Variants in PKNOX2 observed in about 807,000 individuals in gnomAD.
PKNOX2 encodes PBX/knotted 1 homeobox 2.
PKNOX2 carries 14 observed loss-of-function variants against 53.1 expected under a neutral mutation model. The ratio of observed to expected loss-of-function variants is 0.26; its 90% CI spans 0.17 to 0.41. The LOEUF (loss-of-function observed/expected upper bound fraction) is 0.41, where lower values mean the gene tolerates loss of function less well. PKNOX2 is among the 10% of genes least tolerant of loss of function. The pLI is 1.00. For missense variants in PKNOX2, 496 were observed against 602.8 expected (o/e 0.82, Z 1.85); for synonymous variants, 257 against 242.8 (o/e 1.06, Z -0.54).
intron 3 of PKNOX2, among the ~76,000 whole-genome samples, chr11:125,351,034 G>T (rs1005926699): frequency 6.6e-6 from 1 of 152,076 alleles, no homozygotes; most frequent in Non-Finnish European, 1.5e-5. Flanking sequence ...TGAACAAAGC[G>T]CCGCTGCAGG....
rs531274397 is a variant in PKNOX2 at position 125,357,638 on chromosome 11, C to T, written c.87+6246C>T. Among the ~76,000 whole-genome samples, 4 of 152,112 alleles carry T rather than the reference C, an allele frequency of 2.6e-5. No homozygotes were observed. The South Asian group carries it at 6.2e-4, about 24-fold the overall frequency. The stretch of plus-strand genomic sequence containing the variant: ...CATGCTCTGCCTGCCTTTCGCACGC[C>T]GTTGGTCTTAGTTGGTCTTCAGAAA... On this transcript the variant is annotated intron_variant, in intron 4 of 12. Coordinates refer to ENST00000298282, the MANE Select transcript of PKNOX2 (RefSeq NM_001382323.2).
intron 7 of PKNOX2, among the ~76,000 whole-genome samples, chr11:125,407,718 A>G (rs985683834): frequency 6.6e-6 from 1 of 151,870 alleles, no homozygotes; most frequent in Non-Finnish European, 1.5e-5. Flanking sequence ...TGGGCAACAG[A>G]GCAAGACTCT....
intron 6 of PKNOX2, among the ~76,000 whole-genome samples, chr11:125,395,165 T>A (rs1954304979): frequency 6.6e-6 from 1 of 152,248 alleles, no homozygotes; most frequent in Non-Finnish European, 1.5e-5. Flanking sequence ...AATGGCATCA[T>A]ATAGTATATA....
chr11:125,254,043 T>C (rs1944211701), intron 2 of PKNOX2, among the ~76,000 whole-genome samples: 1 of 152,080 alleles, frequency 6.6e-6, no homozygotes, highest in Non-Finnish European at 1.5e-5. Flanking sequence ...CCAGGCTTCC[T>C]CCAGCTCCTA....
At chr11:125,404,646 A>C (rs200782213) in intron 7 of PKNOX2, among the ~76,000 whole-genome samples, 6,878 of 151,778 alleles carry the variant, frequency 0.045, 298 homozygotes, top group African/African-American at 0.11. Flanking sequence ...ACACACACAC[A>C]CCACCACACA....
At chr11:125,377,060 T>C (rs1952885427) in intron 5 of PKNOX2, among the ~76,000 whole-genome samples, 2 of 152,198 alleles carry the variant, frequency 1.3e-5, no homozygotes, top group African/African-American at 4.8e-5. Flanking sequence ...TTGGAGTAGA[T>C]GGTGTCAGTG....
rs149239434 is a variant in PKNOX2 at position 125,422,994 on chromosome 11, T to C, written c.937-6018T>C. ...ACACAGAGTACACTAAGCACCGTTC[T>C]AAATAGCTTTCGTATATTAACTCAT... On this transcript the variant is annotated intron_variant, in intron 10 of 12. Transcript: ENST00000298282. This position sits in a 1 kb window ranked among gnomAD's most constrained non-coding sequence, Gnocchi z 4.1. Among the ~76,000 whole-genome samples the C allele has an allele frequency of 1.8e-3, 267 of 152,274 alleles. 1 individual carries two copies. The highest frequency in any genetic ancestry group is 6.1e-3 in the African/African-American group (255 of 41,530).
Position 125,293,880 on chromosome 11 carries a change from C to G in PKNOX2, c.-129-37939C>G, listed in dbSNP as rs143887302. On this transcript the variant is annotated intron_variant, in intron 2 of 12. Transcript: ENST00000298282. ...GAGAAATGGAACATCTCCCATCTCC[C>G]TCTTACCGCTTACTCAAATGTCTTC... 3.6e-3 allele frequency among the ~76,000 whole-genome samples: 547 copies of G among 152,192 alleles called. 2 individuals are homozygous for G. Among genetic ancestry groups the G allele is most frequent in the Middle Eastern group, 0.014 (4 of 294 alleles).
chr11:125,300,714 G>T (rs1009574882), intron 2 of PKNOX2, among the ~76,000 whole-genome samples: 2 of 152,078 alleles, frequency 1.3e-5, no homozygotes, highest in African/African-American at 4.8e-5. Flanking sequence ...GAAAATACCT[G>T]CTTCTGAAAC....
chr11:125,319,005 G>A (rs1949367629), intron 2 of PKNOX2, among the ~76,000 whole-genome samples: 1 of 152,066 alleles, frequency 6.6e-6, no homozygotes, highest in Admixed American at 6.6e-5. Context: ...AACTTCTTTT[G>A]TTCATAAATT....
chr11:125,184,019 T>C (rs1302704143), intron 1 of PKNOX2, among the ~76,000 whole-genome samples: 1 of 152,164 alleles, frequency 6.6e-6, no homozygotes, highest in East Asian at 1.9e-4. Flanking sequence ...CTAGCCACCA[T>C]GGAGGGAGAT....
chr11:125,301,874 G>A (rs776782264), intron 2 of PKNOX2, among the ~76,000 whole-genome samples: 1 of 152,182 alleles, frequency 6.6e-6, no homozygotes, highest in Non-Finnish European at 1.5e-5. Flanking sequence ...CAGGGAAAGC[G>A]TGCTCTTATA....
At chr11:125,211,714 G>T (rs558335468) in intron 1 of PKNOX2, among the ~76,000 whole-genome samples, 29 of 152,198 alleles carry the variant, frequency 1.9e-4, no homozygotes, top group African/African-American at 6.7e-4. Flanking sequence ...GAGAGAGCTG[G>T]TGCCTGCTTT....
chr11:125,175,439 A>G (rs1307792355), intron 1 of PKNOX2, among the ~76,000 whole-genome samples: 4 of 152,146 alleles, frequency 2.6e-5, no homozygotes, highest in African/African-American at 4.8e-5. Context: ...TTGCAGGTAA[A>G]GGCAGAAGAA....
intron 7 of PKNOX2, among the ~76,000 whole-genome samples, chr11:125,407,825 G>T (rs530912995): frequency 6.6e-6 from 1 of 152,290 alleles, no homozygotes; most frequent in East Asian, 1.9e-4. Flanking sequence ...TACACACCAT[G>T]AGAATGGTAG....
chr11:125,398,592 C>T (rs1255716125), intron 7 of PKNOX2, among the ~76,000 whole-genome samples: 2 of 152,236 alleles, frequency 1.3e-5, no homozygotes, highest in Non-Finnish European at 2.9e-5. Flanking sequence ...CCCTAAGGTT[C>T]AGGGCCATGG....
chr11:125,337,820 T>C (rs1950503162), intron 3 of PKNOX2, among the ~76,000 whole-genome samples: 1 of 152,180 alleles, frequency 6.6e-6, no homozygotes, highest in African/African-American at 2.4e-5. Flanking sequence ...ATTTGCTACT[T>C]GGGACCTGGG....
At chr11:125,282,971 G>T (rs930315265) in intron 2 of PKNOX2, among the ~76,000 whole-genome samples, 1 of 152,084 alleles carries the variant, frequency 6.6e-6, no homozygotes, top group African/African-American at 2.4e-5. Context: ...GGGCAACATG[G>T]CAAAACCCCA....
chr11:125,287,441 G>A lies in PKNOX2; in HGVS notation c.-129-44378G>A, dbSNP rs565072064. On this transcript the variant is annotated intron_variant, in intron 2 of 12. Transcript: ENST00000298282. The stretch of plus-strand genomic sequence containing the variant: ...AGTGGCTGCAACCTGGGGAAAGGGC[G>A]TGCTAGCAGCCAAATGCTCTAAGGC... 6.6e-5 allele frequency among the ~76,000 whole-genome samples: 10 copies of A among 152,352 alleles called. No homozygotes were observed. In the East Asian group the frequency reaches 7.7e-4, roughly 12 times the overall value.
Sources: gnomAD v4.1 joint callset for allele counts (sites outside exome capture counted in the v4.1 genomes callset) on GRCh38, gnomAD v4.1.1 for gene constraint, Gnocchi (gnomAD v3.1) non-coding constraint, MANE v1.5 for transcripts, NCBI Gene and HGNC (gene_info 2026-07-23, HGNC 2026-07-21) for gene names.